The following IL18 variants were observed in gnomAD, a reference collection of about 807,000 sequenced individuals.
The protein encoded by IL18 is interleukin-18.
In IL18, 8 loss-of-function variants were observed where a neutral mutation model predicts 14.2. The observed-to-expected ratio is 0.56, with a 90% confidence interval of 0.33 to 1.01. IL18 has a LOEUF of 1.01. Ranked by LOEUF, IL18 falls within the 50% of genes least tolerant of loss-of-function variation. The pLI is 0.03. For missense variants in IL18, 166 were observed against 231.1 expected (o/e 0.72, Z 1.83); for synonymous variants, 67 against 71.0 (o/e 0.94, Z 0.28).
chr11:112,154,915 T>G (rs1866506985), intron 2 of IL18, 60 bp downstream of exon 2: 2 of 1,075,596 alleles, frequency 1.9e-6, no homozygotes, highest in African/African-American at 3.1e-5. Flanking sequence ...CCTCACAACA[T>G]CTTTTCTAAT....
chr11:112,149,575 T>C (rs1313434087), intron 4 of IL18, among the ~76,000 whole-genome samples: 1 of 148,326 alleles, frequency 6.7e-6, no homozygotes, highest in Non-Finnish European at 1.5e-5. Flanking sequence ...TTTTTTTTTT[T>C]TTTTTTTTAA....
chr11:112,161,079 T>C (rs1434103274), intron 1 of IL18, among the ~76,000 whole-genome samples: 1 of 152,194 alleles, frequency 6.6e-6, no homozygotes, highest in African/African-American at 2.4e-5. Context: ...TACTGACTTT[T>C]TTTTTTTTTA....
chr11:112,150,902 A>G (rs1337087651), intron 3 of IL18: 1 of 152,292 alleles, frequency 6.6e-6, no homozygotes, highest in Non-Finnish European at 1.5e-5. Context: ...CTCTGGCAGC[A>G]CCAGTTATTG....
At chr11:112,153,104 C>G (rs1834481) in intron 3 of IL18, 24,972 of 153,518 alleles carry the variant, frequency 0.16, 2,731 homozygotes, top group Non-Finnish European at 0.25. Flanking sequence ...CAGCTTTTGG[C>G]CTCTGAATGT....
intron 2 of IL18, among the ~76,000 whole-genome samples, chr11:112,154,371 A>G (rs191259231): frequency 1.7e-3 from 265 of 152,142 alleles, no homozygotes; most frequent in Admixed American, 3.7e-3. Context: ...GTAAAAATAC[A>G]AAAAATTAGC....
intron 5 of IL18, among the ~76,000 whole-genome samples, chr11:112,144,531 GCCA>G (rs541496610): frequency 4.9e-4 from 74 of 152,216 alleles, no homozygotes; most frequent in Non-Finnish European, 6.2e-4. Flanking sequence ...CCAGGTGTAA[GCCA>G]CCATGCCTGG....
chr11:112,146,658 T>A (rs779753564), intron 5 of IL18, among the ~76,000 whole-genome samples: 2 of 152,024 alleles, frequency 1.3e-5, no homozygotes, highest in Non-Finnish European at 2.9e-5. Context: ...TAGGCCACTT[T>A]TATAACCACT....
At chr11:112,159,936 G>A (rs1866601373) in intron 1 of IL18, among the ~76,000 whole-genome samples, 1 of 152,100 alleles carries the variant, frequency 6.6e-6, no homozygotes, top group South Asian at 2.1e-4. Flanking sequence ...AGTTACTGGT[G>A]GTGGGGGGAG....
At chr11:112,158,521 G>GTTTTTTTTTTTTTTTTT (rs71060226) in intron 1 of IL18, among the ~76,000 whole-genome samples, 15 of 104,984 alleles carry the variant, frequency 1.4e-4, no homozygotes, top group East Asian at 2.6e-4. Flanking sequence ...TTTATTTGGA[G>GTTTTTTTTTTTTTTTTT]TTTTTTTTTT....
intron 1 of IL18, among the ~76,000 whole-genome samples, chr11:112,160,513 G>A (rs1866611874): frequency 6.6e-6 from 1 of 151,928 alleles, no homozygotes. Context: ...ATTAAAAATA[G>A]GTCTGTTCAG....
At chr11:112,159,182 G>T (rs1343313551) in intron 1 of IL18, among the ~76,000 whole-genome samples, 1 of 152,074 alleles carries the variant, frequency 6.6e-6, no homozygotes, top group East Asian at 1.9e-4. Flanking sequence ...GTGAAACCCT[G>T]TCTCTACTGA....
At chr11:112,156,587 A>T (rs891371428) in intron 1 of IL18, among the ~76,000 whole-genome samples, 1 of 151,962 alleles carries the variant, frequency 6.6e-6, no homozygotes, top group Non-Finnish European at 1.5e-5. Context: ...GGGACCACAG[A>T]TGCGTGCCAC....
In IL18 at chr11:112,153,579, A is replaced by T; in HGVS notation, c.91+13T>A. Reference sequence around the variant, plus strand: ...TTAGTTTGCAAAGAAAAATAAATTCATTTCTACTTTACCATCATCTTCAGC... The same window carrying T: ...TTAGTTTGCAAAGAAAAATAAATTCTTTTCTACTTTACCATCATCTTCAGC... On this transcript the variant is annotated intron_variant, in intron 3 of 5. Coordinates refer to ENST00000280357, the MANE Select transcript of IL18 (RefSeq NM_001562.4). 6 of 1,536,528 alleles carry T rather than the reference A, an allele frequency of 3.9e-6. No individual in the cohort carries two copies. The highest frequency in any genetic ancestry group is 4.4e-6 in the Non-Finnish European group (5 of 1,125,618).
chr11:112,159,522 G>T (rs1385311875), intron 1 of IL18, among the ~76,000 whole-genome samples: 4 of 152,212 alleles, frequency 2.6e-5, no homozygotes, highest in Non-Finnish European at 5.9e-5. Context: ...TCAAACAGAA[G>T]AAGGAGGAAC....
At chr11:112,152,448 A>G (rs901922888) in intron 3 of IL18, among the ~76,000 whole-genome samples, 8 of 152,196 alleles carry the variant, frequency 5.3e-5, no homozygotes, top group African/African-American at 1.9e-4. Context: ...TCAATTCTTT[A>G]TACCAAAGCC....
At chr11:112,161,609 G>A (rs1054741901) in intron 1 of IL18, among the ~76,000 whole-genome samples, 2 of 152,152 alleles carry the variant, frequency 1.3e-5, no homozygotes, top group African/African-American at 2.4e-5. Context: ...GACCAGCCTG[G>A]CCAACATGGT....
chr11:112,151,812 C>T (rs945198483), intron 3 of IL18, among the ~76,000 whole-genome samples: 7 of 152,172 alleles, frequency 4.6e-5, no homozygotes, highest in African/African-American at 1.7e-4. Context: ...AAATGCTCTC[C>T]TGGGAGTCGG....
intron 1 of IL18, among the ~76,000 whole-genome samples, chr11:112,162,963 G>T (rs1448599536): frequency 6.6e-6 from 1 of 151,956 alleles, no homozygotes; most frequent in African/African-American, 2.4e-5. Context: ...TTATTTTTTT[G>T]TAGAGACTGT....
intron 4 of IL18, among the ~76,000 whole-genome samples, chr11:112,148,973 C>G (rs974540459): frequency 1.5e-4 from 2 of 13,672 alleles, no homozygotes; most frequent in Admixed American, 1.0e-3. Flanking sequence ...CTTTTATAAT[C>G]TATATCATTA....
Sources: gnomAD v4.1 joint callset for allele counts (sites outside exome capture counted in the v4.1 genomes callset) on GRCh38, gnomAD v4.1.1 for gene constraint, MANE v1.5 for transcripts, NCBI Gene and HGNC (gene_info 2026-07-23, HGNC 2026-07-21) for gene names.